PABPC4L: variants seen among roughly 807,000 people sequenced by gnomAD.
PABPC4L encodes polyadenylate-binding protein 4-like.
For synonymous variants in PABPC4L, 169 were observed against 164.1 expected (o/e 1.03, Z -0.23); for missense variants, 452 against 451.4 (o/e 1.00, Z -0.01).
chr4:133,997,892 A>T, the PABPC4L span, among the ~76,000 whole-genome samples: 3 of 151,990 alleles, frequency 2.0e-5, no homozygotes, highest in Non-Finnish European at 4.4e-5. Flanking sequence ...TTAATTTTTA[A>T]CATGCATGTT....
the PABPC4L span, among the ~76,000 whole-genome samples, chr4:134,189,627 C>G: frequency 6.6e-6 from 1 of 151,762 alleles, no homozygotes; most frequent in Non-Finnish European, 1.5e-5. Context: ...GGTACCTAGG[C>G]CTTTAGTAAT....
At chr4:134,070,961 T>C in the PABPC4L span, among the ~76,000 whole-genome samples, 1 of 152,130 alleles carries the variant, frequency 6.6e-6, no homozygotes, top group African/African-American at 2.4e-5. Context: ...ATGGCGAGCC[T>C]TGGGAAATGG....
At chr4:134,164,308 G>C in the PABPC4L span, among the ~76,000 whole-genome samples, 1 of 138,076 alleles carries the variant, frequency 7.2e-6, no homozygotes, top group Non-Finnish European at 1.6e-5. Flanking sequence ...GTCCTGGCTA[G>C]AGCAATCAGG....
the PABPC4L span, among the ~76,000 whole-genome samples, chr4:133,970,113 A>AAT: frequency 1.0e-3 from 152 of 147,836 alleles, 1 homozygote; most frequent in Middle Eastern, 0.011. Context: ...ATTTATATAA[A>AAT]ATATATATAT....
At chr4:134,187,959 T>A in the PABPC4L span, among the ~76,000 whole-genome samples, 1 of 152,110 alleles carries the variant, frequency 6.6e-6, no homozygotes, top group African/African-American at 2.4e-5. Flanking sequence ...ATGTTTTTAT[T>A]TTTTATTTAG....
chr4:134,187,912 T>C, the PABPC4L span, among the ~76,000 whole-genome samples: 1 of 152,142 alleles, frequency 6.6e-6, no homozygotes, highest in Non-Finnish European at 1.5e-5. Flanking sequence ...CTACTGATGA[T>C]TAAAGTAATT....
At chr4:134,000,614 T>G in the PABPC4L span, among the ~76,000 whole-genome samples, 1 of 152,152 alleles carries the variant, frequency 6.6e-6, no homozygotes, top group Non-Finnish European at 1.5e-5. Context: ...TCTTGGTATG[T>G]CTGTAAGGGT....
the PABPC4L span, among the ~76,000 whole-genome samples, chr4:133,977,045 G>T: frequency 6.6e-6 from 1 of 151,928 alleles, no homozygotes; most frequent in Middle Eastern, 3.4e-3. Context: ...TTATAGTTTT[G>T]GGTTTTACAT....
At chr4:134,157,924 C>T in the PABPC4L span, among the ~76,000 whole-genome samples, 2 of 151,708 alleles carry the variant, frequency 1.3e-5, no homozygotes, top group East Asian at 3.9e-4. Flanking sequence ...TTTATGCACA[C>T]AAGGTATGTC....
At chr4:134,052,903 G>A in the PABPC4L span, among the ~76,000 whole-genome samples, 2 of 151,862 alleles carry the variant, frequency 1.3e-5, no homozygotes, top group Non-Finnish European at 2.9e-5. Flanking sequence ...ATTATTTTTG[G>A]TGTTACATAA....
the PABPC4L span, among the ~76,000 whole-genome samples, chr4:134,002,129 T>C: frequency 6.6e-6 from 1 of 151,422 alleles, no homozygotes. Context: ...ATAATAATTT[T>C]TAAAGTAAGA....
At chr4:134,111,934 G>A in the PABPC4L span, among the ~76,000 whole-genome samples, 1 of 151,938 alleles carries the variant, frequency 6.6e-6, no homozygotes, top group African/African-American at 2.4e-5. Context: ...ATAGAATTTT[G>A]ATAATTAGGA....
chr4:134,170,020 A>G, the PABPC4L span, among the ~76,000 whole-genome samples: 3 of 152,014 alleles, frequency 2.0e-5, no homozygotes, highest in Non-Finnish European at 2.9e-5. Context: ...TAGTTTTTCT[A>G]TTTTCTTTCT....
chr4:134,032,158 G>A, the PABPC4L span, among the ~76,000 whole-genome samples: 1 of 151,710 alleles, frequency 6.6e-6, no homozygotes, highest in Admixed American at 6.6e-5. Context: ...CTTTGACACG[G>A]AACAACCCTT....
the PABPC4L span, among the ~76,000 whole-genome samples, chr4:134,144,388 A>G: frequency 3.6e-4 from 54 of 151,550 alleles, no homozygotes; most frequent in Admixed American, 1.2e-3. Context: ...ATCTCTGTGT[A>G]TTTATCACCC....
the PABPC4L span, among the ~76,000 whole-genome samples, chr4:134,187,281 T>G: frequency 1.3e-5 from 2 of 151,948 alleles, no homozygotes; most frequent in African/African-American, 2.4e-5. Flanking sequence ...TAGCAAAGAC[T>G]TGGAACCAAC....
the PABPC4L span, among the ~76,000 whole-genome samples, chr4:133,964,272 G>T: frequency 1.3e-5 from 2 of 151,574 alleles, no homozygotes; most frequent in African/African-American, 2.4e-5. Context: ...AAATCAGAAA[G>T]AATTAGATAC....
the PABPC4L span, among the ~76,000 whole-genome samples, chr4:134,075,895 T>C: frequency 3.3e-5 from 5 of 152,080 alleles, no homozygotes; most frequent in Admixed American, 1.3e-4. Context: ...TATTGATTGT[T>C]TACATCATTA....
the PABPC4L span, among the ~76,000 whole-genome samples, chr4:133,985,185 C>A: frequency 1.3e-5 from 2 of 151,762 alleles, no homozygotes; most frequent in African/African-American, 2.4e-5. Context: ...CTGAGATAAA[C>A]CTGGAAATGC....
Sources: allele counts gnomAD v4.1 joint callset (sites outside exome capture counted in the v4.1 genomes callset), GRCh38; gene constraint gnomAD v4.1.1; transcripts MANE v1.5; gene names NCBI Gene and HGNC (gene_info 2026-07-23, HGNC 2026-07-21).